PIBF1: variants seen among roughly 807,000 people sequenced by gnomAD.
PIBF1 encodes progesterone-induced-blocking factor 1.
Under a neutral mutation model 112.5 loss-of-function variants are expected in PIBF1, and 90 were observed. The observed-to-expected ratio is 0.80, with a 90% CI of 0.67 to 0.95. The LOEUF is 0.95. Among genes scored for constraint, PIBF1 ranks in the 40% least tolerant of loss-of-function variants. The pLI is 0.00. For missense variants in PIBF1, 915 were observed against 852.3 expected (o/e 1.07, Z -0.92); for synonymous variants, 301 against 288.6 (o/e 1.04, Z -0.44).
intron 9 of PIBF1, among the ~76,000 whole-genome samples, chr13:72,837,776 A>G (rs185672323): frequency 5.9e-5 from 9 of 151,578 alleles, no homozygotes; most frequent in African/African-American, 2.2e-4. Flanking sequence ...AAATGGAATT[A>G]TGCTGTATAC....
At chr13:72,831,476 A>G (rs2037110161) in intron 8 of PIBF1, among the ~76,000 whole-genome samples, 1 of 151,976 alleles carries the variant, frequency 6.6e-6, no homozygotes, top group Non-Finnish European at 1.5e-5. Context: ...CTTCATTCTC[A>G]TTGGTTTCAA....
intron 11 of PIBF1, among the ~76,000 whole-genome samples, chr13:72,897,610 G>C (rs2040330256): frequency 6.6e-6 from 1 of 152,098 alleles, no homozygotes; most frequent in Non-Finnish European, 1.5e-5. Context: ...AAACTTAAAG[G>C]GGTGGAAAAA....
Position 72,783,540 on chromosome 13 carries a change from G to A in PIBF1, c.71G>A (p.Ser24Asn), listed in dbSNP as rs376959139. The A allele has an allele frequency of 1.2e-6, 2 of 1,613,448 alleles. No individual in the cohort carries two copies. Among genetic ancestry groups the A allele is most frequent in the Non-Finnish European group, 1.7e-6 (2 of 1,179,496 alleles). The change falls in exon 2 of 18, where the codon AGT (serine) becomes AAT (asparagine). Residue 24 changes from serine (S) to asparagine (N), a missense_variant. By Grantham distance (46) the Ser-to-Asn change is conservative. Transcript: ENST00000326291. ...ISSSLESEDI[S>N]LETTVPTDDI... ...AGTTCTCTGGAATCTGAAGATATTA[G>A]TTTAGAAACAACAGTTCCTACGGAT...
intron 9 of PIBF1, among the ~76,000 whole-genome samples, chr13:72,848,701 G>C (rs374794423): frequency 5.4e-4 from 82 of 152,058 alleles, no homozygotes; most frequent in African/African-American, 1.9e-3. Context: ...GCATGGTGGC[G>C]GGTGCCTGTA....
intron 9 of PIBF1, among the ~76,000 whole-genome samples, chr13:72,841,713 T>C (rs1346322467): frequency 6.6e-6 from 1 of 152,148 alleles, no homozygotes; most frequent in African/African-American, 2.4e-5. Flanking sequence ...AAGGCTGCAC[T>C]GAGCCAAGAT....
intron 17 of PIBF1, among the ~76,000 whole-genome samples, chr13:72,999,337 A>G (rs1035110158): frequency 6.6e-6 from 1 of 152,138 alleles, no homozygotes; most frequent in East Asian, 1.9e-4. Flanking sequence ...TACAGTTATT[A>G]TGTGCCAATT....
At chr13:72,980,279 A>T (rs759679009) in intron 16 of PIBF1, among the ~76,000 whole-genome samples, 3 of 152,220 alleles carry the variant, frequency 2.0e-5, no homozygotes, top group Admixed American at 6.5e-5. Context: ...GGCCTGTGAC[A>T]GAATCTTAAT....
intron 10 of PIBF1, among the ~76,000 whole-genome samples, chr13:72,860,312 T>A (rs1444123985): frequency 8.2e-5 from 1 of 12,128 alleles, no homozygotes; most frequent in African/African-American, 5.6e-4. Context: ...TTTAGGGGTG[T>A]GTGTGTGTGT....
intron 12 of PIBF1, among the ~76,000 whole-genome samples, chr13:72,914,953 T>C (rs1434543406): frequency 6.6e-6 from 1 of 152,188 alleles, no homozygotes; most frequent in Non-Finnish European, 1.5e-5. Flanking sequence ...TTGCTCTCTC[T>C]ATTAGCAGAT....
intron 16 of PIBF1, among the ~76,000 whole-genome samples, chr13:72,979,230 T>C (rs1373353229): frequency 2.0e-5 from 3 of 152,224 alleles, no homozygotes; most frequent in Non-Finnish European, 4.4e-5. Context: ...ATGGCTTCTT[T>C]CTTGAGCTTA....
chr13:73,007,010 A>G (rs1417351370), intron 17 of PIBF1, among the ~76,000 whole-genome samples: 1 of 151,040 alleles, frequency 6.6e-6, no homozygotes, highest in Non-Finnish European at 1.5e-5. Context: ...ATACATATAT[A>G]TATATATAAT....
chr13:72,789,654 T>G (rs1462709618), intron 2 of PIBF1, among the ~76,000 whole-genome samples: 1 of 151,634 alleles, frequency 6.6e-6, no homozygotes, highest in Admixed American at 6.6e-5. Context: ...AAAAAAATGT[T>G]TTTTTTTTCC....
intron 14 of PIBF1, among the ~76,000 whole-genome samples, chr13:72,948,320 C>T (rs930243187): frequency 2.0e-5 from 3 of 152,162 alleles, no homozygotes; most frequent in African/African-American, 7.2e-5. Context: ...CAGCAAAATG[C>T]CACCAGTGTC....
At chr13:73,013,162 G>A (rs986260023) in intron 17 of PIBF1, among the ~76,000 whole-genome samples, 217 of 149,406 alleles carry the variant, frequency 1.5e-3, no homozygotes, top group African/African-American at 5.0e-3. Flanking sequence ...TTAGCCGGGC[G>A]TGGTGGCGGG....
intron 9 of PIBF1, among the ~76,000 whole-genome samples, chr13:72,838,397 A>G (rs770552891): frequency 6.6e-5 from 10 of 152,254 alleles, no homozygotes; most frequent in Non-Finnish European, 1.3e-4. Context: ...CCTTTTGACT[A>G]AAACTACTAT....
chr13:72,987,627 T>G (rs2043331480), intron 16 of PIBF1, among the ~76,000 whole-genome samples: 1 of 150,774 alleles, frequency 6.6e-6, no homozygotes, highest in South Asian at 2.1e-4. Context: ...GTTAATTTTC[T>G]TGAGCCTTCT....
At chr13:72,909,045 A>C (rs2040806785) in intron 12 of PIBF1, among the ~76,000 whole-genome samples, 1 of 149,120 alleles carries the variant, frequency 6.7e-6, no homozygotes, top group Admixed American at 6.7e-5. Flanking sequence ...ATACTGTCTC[A>C]AAAAAAAAAG....
At chr13:72,831,384 CT>C (rs1566328093) in intron 8 of PIBF1, among the ~76,000 whole-genome samples, 1 of 151,988 alleles carries the variant, frequency 6.6e-6, no homozygotes, top group Non-Finnish European at 1.5e-5. Flanking sequence ...TCTTTCCTGA[CT>C]TCTCTTGTGG....
At chr13:72,989,621 A>G (rs1363337841) in intron 16 of PIBF1, among the ~76,000 whole-genome samples, 1 of 152,192 alleles carries the variant, frequency 6.6e-6, no homozygotes, top group Non-Finnish European at 1.5e-5. Context: ...AGTTAAAGCA[A>G]TCAGAGTTTC....
Sources: gnomAD v4.1 joint callset for allele counts (sites outside exome capture counted in the v4.1 genomes callset) on GRCh38, gnomAD v4.1.1 for gene constraint, MANE v1.5 for transcripts, NCBI Gene and HGNC (gene_info 2026-07-23, HGNC 2026-07-21) for gene names.